The following GRAMD4 variants were observed in gnomAD, a reference collection of about 807,000 sequenced individuals.
The protein encoded by GRAMD4 is GRAM domain containing 4, also known as GRAM domain-containing protein 4.
A neutral mutation model predicts 83.9 loss-of-function variants in GRAMD4; 25 were observed. That is an observed-to-expected ratio of 0.30 (90% CI 0.22 to 0.42). The LOEUF (loss-of-function observed/expected upper bound fraction) is 0.42, where lower values mean the gene tolerates loss of function less well. GRAMD4 is among the 10% of genes least tolerant of loss of function. The probability of loss-of-function intolerance (pLI) is 1.00; values close to 1 mark genes in which losing one functional copy is unlikely to be tolerated. For synonymous variants in GRAMD4, 336 were observed against 320.9 expected (o/e 1.05, Z -0.50); for missense variants, 593 against 788.7 (o/e 0.75, Z 2.97).
At chr22:46,619,149 C>T (rs1041774996), upstream of GRAMD4, among the ~76,000 whole-genome samples, 9 of 152,158 alleles carry the variant, frequency 5.9e-5, no homozygotes, top group Non-Finnish European at 1.3e-4. Flanking sequence ...AGTTGTGAGC[C>T]GACCTCTTGA....
At chr22:46,612,348 AC>A (rs2081426377) in intron 1 of GRAMD4, among the ~76,000 whole-genome samples, 1 of 152,068 alleles carries the variant, frequency 6.6e-6, no homozygotes, top group African/African-American at 2.4e-5. Context: ...TGGTTTCCTG[AC>A]CATGGATGCT....
chr22:46,613,460 T>C (rs2147098708), intron 1 of GRAMD4, among the ~76,000 whole-genome samples: 1 of 152,374 alleles, frequency 6.6e-6, no homozygotes, highest in East Asian at 1.9e-4. Context: ...ATGCAACCCC[T>C]AGCCCCGCAC....
At chr22:46,648,911 G>C (rs964863060) in intron 3 of GRAMD4, among the ~76,000 whole-genome samples, 3 of 130,702 alleles carry the variant, frequency 2.3e-5, no homozygotes, top group African/African-American at 8.9e-5. Context: ...TGGATGGATG[G>C]ATGGATGGAT....
upstream of GRAMD4, among the ~76,000 whole-genome samples, chr22:46,576,546 C>T (rs1430525933): frequency 6.6e-6 from 1 of 152,214 alleles, no homozygotes; most frequent in African/African-American, 2.4e-5. Flanking sequence ...AGACAGCACC[C>T]CGGGCACCTT....
At chr22:46,657,413 C>T (rs564368225) in intron 3 of GRAMD4, among the ~76,000 whole-genome samples, 28 of 152,308 alleles carry the variant, frequency 1.8e-4, no homozygotes, top group South Asian at 4.1e-4. Context: ...GCAGAGGAAG[C>T]GGGAGAGAGG....
intron 3 of GRAMD4, among the ~76,000 whole-genome samples, chr22:46,643,151 C>CCATCCATCCATGCATCCATCCATGCATG (rs2082007012): frequency 1.7e-4 from 1 of 5,740 alleles, no homozygotes; most frequent in African/African-American, 4.3e-4. Flanking sequence ...TTCCATCCAT[C>CCATCCATCCATGCATCCATCCATGCATG]CATCCATCCA....
intron 4 of GRAMD4, among the ~76,000 whole-genome samples, chr22:46,658,917 T>A (rs1363409609): frequency 1.3e-5 from 2 of 152,014 alleles, no homozygotes; most frequent in East Asian, 3.9e-4. Context: ...GGGTCCCATG[T>A]GGGACCCTGA....
chr22:46,633,385 C>A (rs2081806434), intron 2 of GRAMD4, among the ~76,000 whole-genome samples: 2 of 152,232 alleles, frequency 1.3e-5, no homozygotes, highest in African/African-American at 2.4e-5. Context: ...GGGAGCCCCC[C>A]ACCTAATGAA....
chr22:46,633,803 G>T (rs1369644654), intron 2 of GRAMD4, among the ~76,000 whole-genome samples: 1 of 152,210 alleles, frequency 6.6e-6, no homozygotes, highest in Non-Finnish European at 1.5e-5. Context: ...AGGTGGGCTG[G>T]GTGGGCTCCG....
At chr22:46,651,341 A>G (rs1001295197) in intron 3 of GRAMD4, among the ~76,000 whole-genome samples, 3 of 152,226 alleles carry the variant, frequency 2.0e-5, no homozygotes, top group African/African-American at 7.2e-5. Context: ...CGACCCTGGA[A>G]GAGGCGCAGC....
At chr22:46,663,665 G>T (rs1360607477) in intron 6 of GRAMD4, among the ~76,000 whole-genome samples, 173 bp from the exon 7 acceptor site, 2 of 152,210 alleles carry the variant, frequency 1.3e-5, no homozygotes, top group African/African-American at 4.8e-5. Flanking sequence ...GGCCATCCCG[G>T]CGCACCCTGC....
chr22:46,661,300 C>G, intron 4 of GRAMD4, 81 bp from the exon 5 acceptor site: 27 of 1,069,216 alleles, frequency 2.5e-5, no homozygotes, highest in Non-Finnish European at 3.6e-5. Context: ...TACACGGTCG[C>G]GAGAGCCCTC....
Position 46,620,623 on chromosome 22 carries a change from C to T in GRAMD4, c.-50+58C>T, listed in dbSNP as rs969643573. The T allele has an allele frequency of 4.8e-5, 32 of 665,264 alleles. No homozygotes were observed. The highest frequency in any genetic ancestry group is 5.8e-5 in the Non-Finnish European group (31 of 536,550). 41.2% of individuals were successfully genotyped at this position (665,264 alleles called of 1,614,324 possible). A position where few individuals can be genotyped will look rare whatever the true frequency, so the allele number is the denominator to read the frequency against. Reference sequence around the variant, plus strand: ...TGGTAGGGCCCATCTGAGTGGAAGCCCCAGCCTTGGGAAAAGCTGCTACTC... The same window carrying T: ...TGGTAGGGCCCATCTGAGTGGAAGCTCCAGCCTTGGGAAAAGCTGCTACTC... On this transcript the variant is annotated intron_variant, in intron 1 of 18. Coordinates refer to ENST00000406902, the MANE Select transcript of GRAMD4 (RefSeq NM_015124.5). This position sits in a 1 kb window ranked among gnomAD's most constrained non-coding sequence, Gnocchi z 4.7.
At chr22:46,632,093 T>C (rs138477) in intron 2 of GRAMD4, among the ~76,000 whole-genome samples, 33,160 of 150,120 alleles carry the variant, frequency 0.22, 4,667 homozygotes, top group East Asian at 0.55. Context: ...CTTCCTTTCG[T>C]TGTGGGCTGT....
chr22:46,643,204 T>TCCATCC (rs2082012861), intron 3 of GRAMD4, among the ~76,000 whole-genome samples: 1 of 2,824 alleles, frequency 3.5e-4, no homozygotes, highest in African/African-American at 9.3e-4. Context: ...TCCATCCATC[T>TCCATCC]ATCCATCCAT....
At chr22:46,615,919 T>C (rs1446237294), upstream of GRAMD4, among the ~76,000 whole-genome samples, 2 of 129,876 alleles carry the variant, frequency 1.5e-5, no homozygotes, top group South Asian at 2.8e-4. Context: ...TTCCCCCGTG[T>C]GTAGGTTCCC....
upstream of GRAMD4, among the ~76,000 whole-genome samples, chr22:46,617,638 C>G (rs714024): frequency 1.3e-5 from 2 of 151,870 alleles, no homozygotes; most frequent in East Asian, 3.9e-4. Flanking sequence ...CGGAGACTCA[C>G]GTAGGCATCT....
intron 1 of GRAMD4, among the ~76,000 whole-genome samples, chr22:46,597,878 T>G (rs1898295647): frequency 1.3e-5 from 2 of 151,552 alleles, no homozygotes; most frequent in South Asian, 4.1e-4. Context: ...ACGTTGGTTT[T>G]GTTTTGTTTT....
At chr22:46,608,998 C>T (rs1569257672) in intron 1 of GRAMD4, among the ~76,000 whole-genome samples, 1 of 151,924 alleles carries the variant, frequency 6.6e-6, no homozygotes, top group African/African-American at 2.4e-5. Context: ...GGCAGTGGCA[C>T]GTGCCTGCAG....
Sources: allele counts gnomAD v4.1 joint callset (sites outside exome capture counted in the v4.1 genomes callset), GRCh38; gene constraint gnomAD v4.1.1; non-coding constraint Gnocchi (gnomAD v3.1); transcripts MANE v1.5; gene names NCBI Gene and HGNC (gene_info 2026-07-23, HGNC 2026-07-21).